The following PCP4 variants were observed in gnomAD, a reference collection of about 807,000 sequenced individuals.
PCP4 encodes calmodulin regulator protein PCP4.
In PCP4, 8 loss-of-function variants were observed where a neutral mutation model predicts 10.0. The ratio of observed to expected loss-of-function variants is 0.80; its 90% confidence interval spans 0.47 to 1.45. PCP4 has a LOEUF of 1.45. PCP4 is among the 40% of genes most tolerant of loss of function. PCP4 has a pLI of 0.00. For synonymous variants in PCP4, 21 were observed against 23.0 expected (o/e 0.91, Z 0.24); for missense variants, 54 against 74.4 (o/e 0.73, Z 1.01).
chr21:39,880,686 G>A (rs7282852), intron 1 of PCP4, among the ~76,000 whole-genome samples: 5,336 of 152,182 alleles, frequency 0.035, 311 homozygotes, highest in African/African-American at 0.12. Context: ...GAGTATGTCC[G>A]GAGGGAACAG....
chr21:39,883,170 AC>A (rs1166604323), intron 1 of PCP4, among the ~76,000 whole-genome samples: 2 of 152,174 alleles, frequency 1.3e-5, no homozygotes, highest in Admixed American at 6.5e-5. Context: ...GGTGGTAGAC[AC>A]CTACATTGAT....
intron 2 of PCP4, among the ~76,000 whole-genome samples, chr21:39,916,659 C>T (rs727545): frequency 0.89 from 135,235 of 152,240 alleles, 60,255 homozygotes; most frequent in Middle Eastern, 0.97. Flanking sequence ...AAGACACAAG[C>T]GTGTATATGT....
intron 1 of PCP4, among the ~76,000 whole-genome samples, chr21:39,890,311 C>T (rs1240373330): frequency 2.6e-5 from 4 of 152,174 alleles, no homozygotes; most frequent in Non-Finnish European, 4.4e-5. Flanking sequence ...AAGGAAATAT[C>T]GGTCATTCCA....
Position 39,881,244 on chromosome 21 carries a change from C to A in PCP4, c.9+13734C>A, listed in dbSNP as rs149650301. On this transcript the variant is annotated intron_variant, in intron 1 of 2. Coordinates refer to ENST00000328619, the MANE Select transcript of PCP4 (RefSeq NM_006198.3). ...TTGAATGTTGGGGGGAGAAACCTGG[C>A]TATTTGTTTATTATTATACCAAAAA... Among the ~76,000 whole-genome samples the A allele has an allele frequency of 4.0e-3, 613 of 152,206 alleles. 3 individuals are homozygous for A. The highest frequency in any genetic ancestry group is 7.9e-3 in the Non-Finnish European group (535 of 68,004).
In PCP4 at chr21:39,869,938, T is replaced by C. The variant is rs572452752; in HGVS notation, c.9+2428T>C. The stretch of plus-strand genomic sequence containing the variant: ...AGACTTTCCTTGACCTTAGGATTGA[T>C]TGGGGTCTGGTGGGCCAATAGTGCC... On this transcript the variant is annotated intron_variant, in intron 1 of 2. Coordinates refer to ENST00000328619, the MANE Select transcript of PCP4 (RefSeq NM_006198.3). 7.2e-5 allele frequency among the ~76,000 whole-genome samples: 11 copies of C among 152,342 alleles called. No individual in the cohort carries two copies. In the South Asian group the frequency reaches 1.7e-3, roughly 23 times the overall value.
At position 39,898,295 on chromosome 21, in the gene PCP4, C is replaced by G. The variant is rs997787498; in HGVS notation, c.10-181C>G. Reference sequence around the variant, plus strand: ...ATGAGGGGGCCGGTCTGTGCAGCTTCAGTACATCCTTTCTTGGTGGATCCA... The same window carrying G: ...ATGAGGGGGCCGGTCTGTGCAGCTTGAGTACATCCTTTCTTGGTGGATCCA... On this transcript the variant is annotated intron_variant, in intron 1 of 2. Coordinates refer to ENST00000328619, the MANE Select transcript of PCP4 (RefSeq NM_006198.3). 1.3e-5 allele frequency: 9 copies of G among 700,940 alleles called. No homozygotes were observed. The East Asian group carries it at 2.3e-4, about 18-fold the overall frequency. 43.4% of individuals were successfully genotyped at this position (700,940 alleles called of 1,614,324 possible).
intron 2 of PCP4, among the ~76,000 whole-genome samples, chr21:39,918,384 A>G (rs887761002): frequency 5.3e-5 from 8 of 152,164 alleles, no homozygotes; most frequent in African/African-American, 1.9e-4. Flanking sequence ...GAAACAGAAT[A>G]ATAGGAAATA....
intron 2 of PCP4, among the ~76,000 whole-genome samples, chr21:39,912,168 T>A (rs1003172560): frequency 6.6e-6 from 1 of 152,228 alleles, no homozygotes; most frequent in African/African-American, 2.4e-5. Flanking sequence ...TCAGCCTCTG[T>A]TAATGCTCCC....
At chr21:39,892,229 C>T (rs757451665) in intron 1 of PCP4, among the ~76,000 whole-genome samples, 1 of 152,186 alleles carries the variant, frequency 6.6e-6, no homozygotes, top group Non-Finnish European at 1.5e-5. Flanking sequence ...CACCCCATGT[C>T]CGCCGGTTAT....
chr21:39,893,640 T>A (rs901786957), intron 1 of PCP4, among the ~76,000 whole-genome samples: 2 of 152,252 alleles, frequency 1.3e-5, no homozygotes, highest in African/African-American at 4.8e-5. Flanking sequence ...TTGTGAATTC[T>A]GGTGTTGAAC....
intron 1 of PCP4, among the ~76,000 whole-genome samples, chr21:39,871,301 G>C (rs1396408051): frequency 6.6e-6 from 1 of 152,228 alleles, no homozygotes; most frequent in African/African-American, 2.4e-5. Flanking sequence ...CAGATCCTAA[G>C]AAGAGAAAGA....
At chr21:39,901,114 T>C (rs2837279) in intron 2 of PCP4, among the ~76,000 whole-genome samples, 21,065 of 152,230 alleles carry the variant, frequency 0.14, 1,660 homozygotes, top group Middle Eastern at 0.23. Context: ...CTGGCTTCTG[T>C]GTTCAATCTG....
chr21:39,893,272 T>C (rs1306693220), intron 1 of PCP4, among the ~76,000 whole-genome samples: 1 of 152,234 alleles, frequency 6.6e-6, no homozygotes, highest in Non-Finnish European at 1.5e-5. Context: ...AACAGAACTG[T>C]CAGGAAAATT....
chr21:39,889,494 G>A (rs189426388), intron 1 of PCP4, among the ~76,000 whole-genome samples: 3 of 137,078 alleles, frequency 2.2e-5, no homozygotes, highest in African/African-American at 8.4e-5. Context: ...TCGGCTCACT[G>A]CAAGCTCCGC....
At chr21:39,912,055 T>C (rs2087542462) in intron 2 of PCP4, among the ~76,000 whole-genome samples, 3 of 152,256 alleles carry the variant, frequency 2.0e-5, no homozygotes. Flanking sequence ...GGTCAGATGC[T>C]ACTGCTCCTG....
At chr21:39,890,189 A>G (rs890510752) in intron 1 of PCP4, among the ~76,000 whole-genome samples, 1 of 152,190 alleles carries the variant, frequency 6.6e-6, no homozygotes, top group Non-Finnish European at 1.5e-5. Flanking sequence ...CAATGACTGT[A>G]TTAGAATAAT....
chr21:39,918,516 C>G (rs1405847367), intron 2 of PCP4, among the ~76,000 whole-genome samples: 2 of 152,076 alleles, frequency 1.3e-5, no homozygotes, highest in African/African-American at 4.8e-5. Flanking sequence ...TATTTTAGGA[C>G]AAAAGAGAAT....
chr21:39,871,324 G>T (rs964472552), intron 1 of PCP4, among the ~76,000 whole-genome samples: 5 of 152,204 alleles, frequency 3.3e-5, no homozygotes, highest in African/African-American at 1.2e-4. Context: ...ATGGCTTTGA[G>T]CTTCTTACAA....
intron 1 of PCP4, among the ~76,000 whole-genome samples, chr21:39,876,592 G>A (rs73371267): frequency 0.035 from 5,268 of 152,266 alleles, 300 homozygotes; most frequent in African/African-American, 0.12. Flanking sequence ...CAGGCAGTGT[G>A]TCTGGGACAA....
Sources: gnomAD v4.1 joint callset for allele counts (sites outside exome capture counted in the v4.1 genomes callset) on GRCh38, gnomAD v4.1.1 for gene constraint, MANE v1.5 for transcripts, NCBI Gene and HGNC (gene_info 2026-07-23, HGNC 2026-07-21) for gene names.